NRG3: variants seen among roughly 807,000 people sequenced by gnomAD.
NRG3 encodes the protein pro-neuregulin-3, membrane-bound isoform.
Under a neutral mutation model 66.9 loss-of-function variants are expected in NRG3, and 31 were observed. That is an observed-to-expected ratio of 0.46 (90% CI 0.35 to 0.63). NRG3 has a LOEUF of 0.63. NRG3 is among the 20% of genes least tolerant of loss of function. The pLI is 0.00. For synonymous variants in NRG3, 393 were observed against 359.4 expected, an observed-to-expected ratio of 1.09 and a Z score of -1.06; for missense variants, 910 against 878.9, an observed-to-expected ratio of 1.04 and a Z score of -0.45.
intron 2 of NRG3, among the ~76,000 whole-genome samples, chr10:82,383,136 T>C (rs904097495): frequency 6.6e-6 from 1 of 152,030 alleles, no homozygotes; most frequent in African/African-American, 2.4e-5. Flanking sequence ...AAATGAATTT[T>C]CCAATAAATG....
At chr10:82,383,536 A>T (rs1055746398) in intron 2 of NRG3, among the ~76,000 whole-genome samples, 2 of 152,052 alleles carry the variant, frequency 1.3e-5, no homozygotes, top group African/African-American at 4.8e-5. Context: ...AGTACTTAAC[A>T]CCATGATTGT....
intron 1 of NRG3, among the ~76,000 whole-genome samples, chr10:81,989,578 A>G (rs770209165): frequency 3.3e-5 from 5 of 152,172 alleles, no homozygotes; most frequent in Admixed American, 6.6e-5. Context: ...CCGAGGGAAT[A>G]TTTTTATGGT....
intron 1 of NRG3, chr10:81,878,126 C>T (rs2132445502): frequency 6.8e-7 from 1 of 1,477,224 alleles, no homozygotes; most frequent in Non-Finnish European, 9.0e-7. Flanking sequence ...ATGCTCTCTT[C>T]CTACATTCCG....
At chr10:82,548,088 A>G (rs1400338164) in intron 2 of NRG3, among the ~76,000 whole-genome samples, 2 of 150,892 alleles carry the variant, frequency 1.3e-5, no homozygotes, top group African/African-American at 4.9e-5. Flanking sequence ...AGGAGATAAT[A>G]ATAAAACCAC....
intron 4 of NRG3, among the ~76,000 whole-genome samples, chr10:82,890,332 C>T (rs1843045275): frequency 1.3e-5 from 2 of 151,914 alleles, no homozygotes; most frequent in African/African-American, 4.8e-5. Context: ...AGTCACTTGC[C>T]CCTTTCTACT....
intron 2 of NRG3, among the ~76,000 whole-genome samples, chr10:82,496,550 A>G (rs1843653783): frequency 6.6e-6 from 1 of 152,134 alleles, no homozygotes; most frequent in Non-Finnish European, 1.5e-5. Flanking sequence ...TAATGTCTTT[A>G]TAAGTATTTA....
Position 82,006,510 on chromosome 10 carries a change from ATCTT to A in NRG3, c.823+130349_823+130352del. 2.0e-5 allele frequency among the ~76,000 whole-genome samples: 3 copies of A among 152,024 alleles called. No homozygotes were observed. In the South Asian group the frequency reaches 6.2e-4, roughly 32 times the overall value. On this transcript the variant is annotated intron_variant, in intron 1 of 8. Transcript: ENST00000372141. ...TTATGCTTTTTTCTTTTCTGTTTCT[ATCTT>A]TATATCATCAATATAGTCTCTACGT...
intron 2 of NRG3, among the ~76,000 whole-genome samples, chr10:82,690,370 G>A (rs1368609461): frequency 2.6e-5 from 4 of 151,698 alleles, no homozygotes; most frequent in African/African-American, 9.7e-5. Flanking sequence ...CTTCCTGGAT[G>A]GGTGAGGATT....
intron 2 of NRG3, among the ~76,000 whole-genome samples, chr10:82,558,277 C>G (rs2044780719): frequency 6.6e-6 from 1 of 152,162 alleles, no homozygotes; most frequent in Admixed American, 6.5e-5. Context: ...AGGCTCAGCT[C>G]AAGTGCCTAT....
chr10:82,110,976 A>G (rs902566454), intron 1 of NRG3, among the ~76,000 whole-genome samples: 1 of 152,222 alleles, frequency 6.6e-6, no homozygotes, highest in Non-Finnish European at 1.5e-5. Context: ...CAAAGATGTT[A>G]CCAAAGAGGA....
intron 2 of NRG3, among the ~76,000 whole-genome samples, chr10:82,661,395 T>C (rs2052349181): frequency 6.6e-6 from 1 of 152,052 alleles, no homozygotes; most frequent in South Asian, 2.1e-4. Flanking sequence ...ATGTCTATTA[T>C]ATATTGTAAC....
intron 2 of NRG3, among the ~76,000 whole-genome samples, chr10:82,380,377 A>G (rs2085535999): frequency 6.6e-6 from 1 of 152,162 alleles, no homozygotes; most frequent in Admixed American, 6.5e-5. Flanking sequence ...ACCAGTATGT[A>G]TAGATTCTAT....
At chr10:82,260,790 T>C (rs148563611) in intron 1 of NRG3, among the ~76,000 whole-genome samples, 13 of 152,248 alleles carry the variant, frequency 8.5e-5, no homozygotes, top group African/African-American at 3.1e-4. Flanking sequence ...AAATGACTAA[T>C]AAAACAGTAT....
intron 3 of NRG3, among the ~76,000 whole-genome samples, chr10:82,832,226 C>T (rs182311478): frequency 8.4e-4 from 128 of 152,250 alleles, no homozygotes; most frequent in Non-Finnish European, 1.5e-3. Flanking sequence ...ATGCTGTGAC[C>T]GTCCTTTAGC....
At chr10:82,433,242 C>T (rs1049349570) in intron 2 of NRG3, among the ~76,000 whole-genome samples, 8 of 151,846 alleles carry the variant, frequency 5.3e-5, no homozygotes, top group East Asian at 1.9e-4. Flanking sequence ...TTCATATGTT[C>T]GATGGCCACG....
At chr10:82,490,664 G>A (rs961884168) in intron 2 of NRG3, among the ~76,000 whole-genome samples, 1 of 152,036 alleles carries the variant, frequency 6.6e-6, no homozygotes, top group Non-Finnish European at 1.5e-5. Flanking sequence ...ATTTGCAAAT[G>A]TCTACCTTAT....
intron 1 of NRG3, among the ~76,000 whole-genome samples, chr10:81,988,249 G>A (rs1296212371): frequency 1.3e-5 from 2 of 152,172 alleles, no homozygotes; most frequent in Non-Finnish European, 2.9e-5. Context: ...CTACCATGGA[G>A]CAAGTTAATT....
rs953269323 is a variant in NRG3, at chr10:81,917,234, G to A, written c.823+41071G>A. Among the ~76,000 whole-genome samples, 11 of 152,230 alleles carry A rather than the reference G, an allele frequency of 7.2e-5. No individual in the cohort carries two copies. The East Asian group carries it at 2.1e-3, about 29-fold the overall frequency. On this transcript the variant is annotated intron_variant, in intron 1 of 8. Coordinates refer to ENST00000372141, the MANE Select transcript of NRG3 (RefSeq NM_001010848.4). ...CAATTCAGAGGCCACTTTCTATAAA[G>A]AGCCCCACTTCAAGTCCCTTATTTG... is the stretch of plus-strand genomic sequence containing the variant.
At chr10:82,295,099 C>G (rs1021485128) in intron 1 of NRG3, among the ~76,000 whole-genome samples, 5 of 152,234 alleles carry the variant, frequency 3.3e-5, no homozygotes, top group African/African-American at 1.2e-4. Context: ...CTGTTTATGA[C>G]TAATGTTAAA....
Sources: gnomAD v4.1 joint callset for allele counts (sites outside exome capture counted in the v4.1 genomes callset) on GRCh38, gnomAD v4.1.1 for gene constraint, MANE v1.5 for transcripts, NCBI Gene and HGNC (gene_info 2026-07-23, HGNC 2026-07-21) for gene names.